The following ZNF423 variants were observed in gnomAD, a reference collection of about 807,000 sequenced individuals.
The protein encoded by ZNF423 is zinc finger protein 423.
ZNF423 carries 12 observed loss-of-function variants against 95.8 expected under a neutral mutation model. That is an observed-to-expected ratio of 0.13 (90% CI 0.08 to 0.20). ZNF423 has a LOEUF of 0.20. ZNF423 is among the 10% of genes least tolerant of loss of function. The pLI is 1.00. For missense variants in ZNF423, 1,316 were observed against 1,737.1 expected (o/e 0.76, Z 4.31); for synonymous variants, 749 against 711.9 (o/e 1.05, Z -0.83).
chr16:49,644,658 C>CAAAAAAAAAAAAAA (rs56066766), intron 3 of ZNF423, among the ~76,000 whole-genome samples: 3 of 39,566 alleles, frequency 7.6e-5, no homozygotes, highest in African/African-American at 9.6e-5. Context: ...AACTCTGACT[C>CAAAAAAAAAAAAAA]AAAAAAAAAA....
chr16:49,522,171 C>T (rs1360507341), intron 7 of ZNF423, among the ~76,000 whole-genome samples: 1 of 152,184 alleles, frequency 6.6e-6, no homozygotes, highest in African/African-American at 2.4e-5. Flanking sequence ...GTAGGGTCCC[C>T]CCTGGAGGGC....
chr16:49,543,784 C>T (rs1032337640), intron 5 of ZNF423, among the ~76,000 whole-genome samples: 10 of 152,198 alleles, frequency 6.6e-5, no homozygotes, highest in African/African-American at 2.2e-4. Context: ...AGGCACAGAG[C>T]GCCAGCTCCA....
chr16:49,832,791 C>T (rs530094974), intron 1 of ZNF423, among the ~76,000 whole-genome samples: 74 of 151,958 alleles, frequency 4.9e-4, no homozygotes, highest in Middle Eastern at 6.8e-3. Flanking sequence ...AAGAGACATG[C>T]CCACCTACAG....
At chr16:49,718,480 A>C (rs1224955006) in intron 3 of ZNF423, among the ~76,000 whole-genome samples, 5 of 152,164 alleles carry the variant, frequency 3.3e-5, no homozygotes, top group Non-Finnish European at 5.9e-5. Flanking sequence ...CTTCTCTTTC[A>C]TCCGTTAAGT....
intron 1 of ZNF423, among the ~76,000 whole-genome samples, chr16:49,791,302 C>A (rs1170492975): frequency 6.6e-6 from 1 of 152,040 alleles, no homozygotes; most frequent in Admixed American, 6.6e-5. Flanking sequence ...GCAATCAAGA[C>A]CTCGTGTCAG....
rs1966873033 is a variant in ZNF423 at position 49,488,175 on chromosome 16, G to A, written c.*3100C>T. On this transcript the variant is annotated 3_prime_UTR_variant, in exon 8 of 8. Transcript: ENST00000563137. ...TTTATAGGTACAGGTTCCATCCCTA[G>A]GAACACACACCTTAGGAGGGAAGAA... 1 of 152,208 alleles carries A rather than the reference G, an allele frequency of 6.6e-6. No homozygotes were observed. 9.4% of individuals were successfully genotyped at this position (152,208 alleles called of 1,614,324 possible).
chr16:49,690,652 G>A (rs1359715311), intron 3 of ZNF423, among the ~76,000 whole-genome samples: 1 of 152,218 alleles, frequency 6.6e-6, no homozygotes, highest in Non-Finnish European at 1.5e-5. Flanking sequence ...GACCAGAGGG[G>A]TTCTGGAGGA....
chr16:49,578,818 G>C (rs2033554778), intron 5 of ZNF423, among the ~76,000 whole-genome samples: 1 of 152,258 alleles, frequency 6.6e-6, no homozygotes, highest in South Asian at 2.1e-4. Flanking sequence ...TTTGTTCCCT[G>C]AAATATTCAG....
chr16:49,677,953 C>T (rs559255278), intron 3 of ZNF423, among the ~76,000 whole-genome samples: 9 of 152,088 alleles, frequency 5.9e-5, no homozygotes, highest in East Asian at 3.9e-4. Flanking sequence ...GAGGCCGAGG[C>T]GGGTAGATCA....
At chr16:49,768,037 G>T (rs781509067) in intron 2 of ZNF423, among the ~76,000 whole-genome samples, 9 of 152,196 alleles carry the variant, frequency 5.9e-5, no homozygotes, top group Non-Finnish European at 1.0e-4. Flanking sequence ...TAACATTTTT[G>T]ATCTTTAATC....
intron 5 of ZNF423, among the ~76,000 whole-genome samples, chr16:49,549,755 A>T (rs990305988): frequency 6.6e-6 from 1 of 152,228 alleles, no homozygotes; most frequent in Admixed American, 6.5e-5. Context: ...AGTCACAGAG[A>T]GATTATGTAA....
intron 3 of ZNF423, among the ~76,000 whole-genome samples, chr16:49,724,789 C>T (rs2032963207): frequency 6.6e-6 from 1 of 152,198 alleles, no homozygotes; most frequent in South Asian, 2.1e-4. Context: ...GAGGGCCTAC[C>T]TTTCACAGGG....
chr16:49,833,133 C>A (rs549681649), intron 1 of ZNF423, among the ~76,000 whole-genome samples: 1 of 152,368 alleles, frequency 6.6e-6, no homozygotes, highest in South Asian at 2.1e-4. Context: ...CTGATTGGAA[C>A]TGGGGTCCAC....
chr16:49,514,589 CG>C (rs1367366267), intron 7 of ZNF423, among the ~76,000 whole-genome samples: 6 of 152,298 alleles, frequency 3.9e-5, no homozygotes, highest in Non-Finnish European at 7.4e-5. Flanking sequence ...TGGCAGAGCC[CG>C]GCTCACCCTA....
At chr16:49,835,586 C>T (rs927486730) in intron 1 of ZNF423, among the ~76,000 whole-genome samples, 9 of 152,224 alleles carry the variant, frequency 5.9e-5, no homozygotes, top group Non-Finnish European at 1.2e-4. Context: ...GCAGCCTCCA[C>T]CCCTGGCTGG....
intron 2 of ZNF423, among the ~76,000 whole-genome samples, chr16:49,736,717 C>G (rs2033294900): frequency 6.6e-6 from 1 of 152,178 alleles, no homozygotes; most frequent in Non-Finnish European, 1.5e-5. Flanking sequence ...ATCGTTTCAG[C>G]CCAGGAGTTG....
At chr16:49,503,356 C>T (rs1002205820) in intron 7 of ZNF423, among the ~76,000 whole-genome samples, 2 of 152,112 alleles carry the variant, frequency 1.3e-5, no homozygotes, top group Admixed American at 6.5e-5. Context: ...AACTCCCTGG[C>T]GGGTCCCACC....
At chr16:49,644,963 T>C (rs997412557) in intron 3 of ZNF423, among the ~76,000 whole-genome samples, 2 of 152,152 alleles carry the variant, frequency 1.3e-5, no homozygotes, top group African/African-American at 2.4e-5. Flanking sequence ...TGCTGGCTCA[T>C]GGGAAGCTGG....
At chr16:49,669,690 G>C (rs2030717526) in intron 3 of ZNF423, among the ~76,000 whole-genome samples, 1 of 152,196 alleles carries the variant, frequency 6.6e-6, no homozygotes, top group South Asian at 2.1e-4. Flanking sequence ...CATGAAAAAA[G>C]AGTTGGTGAT....
Sources: allele counts gnomAD v4.1 joint callset (sites outside exome capture counted in the v4.1 genomes callset), GRCh38; gene constraint gnomAD v4.1.1; transcripts MANE v1.5; gene names NCBI Gene and HGNC (gene_info 2026-07-23, HGNC 2026-07-21).